The following CTNNAL1 variants were observed in gnomAD, a reference collection of about 807,000 sequenced individuals.
CTNNAL1 encodes catenin alpha like 1.
In CTNNAL1, 69 loss-of-function variants were observed where a neutral mutation model predicts 93.6. The ratio of observed to expected loss-of-function variants is 0.74; its 90% CI spans 0.61 to 0.90. The LOEUF is 0.90. CTNNAL1 is among the 40% of genes least tolerant of loss of function. The probability of loss-of-function intolerance (pLI) is 0.00; values close to 1 mark genes in which losing one functional copy is unlikely to be tolerated. For synonymous variants in CTNNAL1, 286 were observed against 305.4 expected, an observed-to-expected ratio of 0.94 and a Z score of 0.66; for missense variants, 836 against 862.0, an observed-to-expected ratio of 0.97 and a Z score of 0.38.
chr9:108,961,444 T>C (rs568659454), intron 11 of CTNNAL1, among the ~76,000 whole-genome samples: 21 of 152,288 alleles, frequency 1.4e-4, no homozygotes, highest in African/African-American at 5.1e-4. Context: ...TCCATCTCAG[T>C]GAAACCTACA....
intron 4 of CTNNAL1, among the ~76,000 whole-genome samples, chr9:108,989,617 T>TTA (rs1371117491): frequency 1.3e-5 from 2 of 152,152 alleles, no homozygotes; most frequent in Non-Finnish European, 2.9e-5. Context: ...TGGTCAATTA[T>TTA]TATATATATT....
rs190820564 is a variant in CTNNAL1, at chr9:108,993,459, C to T, written c.332-640G>A. 4.0e-4 allele frequency among the ~76,000 whole-genome samples: 61 copies of T among 152,312 alleles called. 1 individual carries two copies. The highest frequency in any genetic ancestry group is 1.4e-3 in the African/African-American group (58 of 41,566). On this transcript the variant is annotated intron_variant, in intron 2 of 18. Transcript: ENST00000325551. ...AAGTAAACAAAACAAAAGCCTCCCT[C>T]CTGAGAATTCAAACCACAGGCTGGC...
At position 108,965,556 on chromosome 9, in the gene CTNNAL1, G is replaced by A. The variant is rs749359420; in HGVS notation, c.1441-28C>T. Reference sequence around the variant, plus strand: ...AAAGAAACACAATATACACCTGTGTGAATTTCAAAATCTTAGCCCTCAGAA... The same window carrying A: ...AAAGAAACACAATATACACCTGTGTAAATTTCAAAATCTTAGCCCTCAGAA... On this transcript the variant is annotated intron_variant, in intron 10 of 18. Transcript: ENST00000325551. 4.3e-6 allele frequency: 6 copies of A among 1,393,512 alleles called. No individual in the cohort carries two copies. In the South Asian group the frequency reaches 9.6e-5, roughly 22 times the overall value. The allele number at this position is 1,393,512 out of a possible 1,614,324, so 86.3% of individuals were successfully genotyped here. A position where few individuals can be genotyped will look rare whatever the true frequency, so the allele number is the denominator to read the frequency against.
chr9:108,978,865 G>A (rs1160138493), intron 7 of CTNNAL1, among the ~76,000 whole-genome samples: 1 of 152,184 alleles, frequency 6.6e-6, no homozygotes, highest in Non-Finnish European at 1.5e-5. Context: ...GTCCTCAGAG[G>A]TAAGAATTGT....
chr9:108,972,864 G>GGCCCCCC, intron 8 of CTNNAL1, 31 bp from the exon 9 acceptor site: 41 of 142,484 alleles, frequency 2.9e-4, no homozygotes, highest in Non-Finnish European at 3.9e-4. Flanking sequence ...GGGGGGGTGG[G>GGCCCCCC]AGGGTGGAGA....
intron 14 of CTNNAL1, among the ~76,000 whole-genome samples, chr9:108,951,099 C>T (rs188749157): frequency 2.6e-5 from 4 of 152,088 alleles, no homozygotes; most frequent in Non-Finnish European, 5.9e-5. Flanking sequence ...CAAGCTCCAC[C>T]TCCCGGTTTC....
At chr9:108,977,237 G>A (rs1831292627) in intron 7 of CTNNAL1, 189 bp from the exon 8 acceptor site, 3 of 352,602 alleles carry the variant, frequency 8.5e-6, no homozygotes, top group Non-Finnish European at 1.5e-5. Flanking sequence ...ATTTTTCAAT[G>A]CTAACTACAA....
At chr9:109,012,068 C>G (rs1827220082) in intron 1 of CTNNAL1, among the ~76,000 whole-genome samples, 1 of 152,172 alleles carries the variant, frequency 6.6e-6, no homozygotes, top group South Asian at 2.1e-4. Flanking sequence ...CTCAATGAGA[C>G]ACAGGAAAAG....
At position 108,983,202 on chromosome 9, in the gene CTNNAL1, C is replaced by G; in HGVS notation, c.843G>C (p.Pro281=). The G allele has an allele frequency of 6.3e-7, 1 of 1,580,878 alleles. No individual in the cohort carries two copies. Among genetic ancestry groups the G allele is most frequent in the Non-Finnish European group, 8.6e-7 (1 of 1,163,220 alleles). ...KVIEIVTDCK[P]NGETDISSIS... Reference sequence around the variant, plus strand: ...TAGATGAAATGTCAGTCTCTCCATTCGGTTTACAGTCAGTCACAATTTCAA... The same window carrying G: ...TAGATGAAATGTCAGTCTCTCCATTGGGTTTACAGTCAGTCACAATTTCAA... Residue 281 remains proline (P), a synonymous_variant, in exon 6 of 19, where the codon CCG becomes CCC. Coordinates refer to ENST00000325551, the MANE Select transcript of CTNNAL1 (RefSeq NM_003798.4).
rs1041719667 is a variant in CTNNAL1 at position 108,954,861 on chromosome 9, C to G, written c.1629+929G>C. Among the ~76,000 whole-genome samples, 4 of 152,174 alleles carry G rather than the reference C, an allele frequency of 2.6e-5. No individual in the cohort carries two copies. In the South Asian group the frequency reaches 8.3e-4, roughly 31 times the overall value. ...ATTCCCACTATCATTTCTAAAATTCCAGACTTAAGACTTTAATATCTCTCT... is the reference window on the plus strand; with the variant it reads ...ATTCCCACTATCATTTCTAAAATTCGAGACTTAAGACTTTAATATCTCTCT... On this transcript the variant is annotated intron_variant, in intron 12 of 18. Coordinates refer to ENST00000325551, the MANE Select transcript of CTNNAL1 (RefSeq NM_003798.4).
At chr9:108,983,789 T>C (rs3818741) in intron 5 of CTNNAL1, among the ~76,000 whole-genome samples, 10,920 of 152,270 alleles carry the variant, frequency 0.072, 487 homozygotes, top group Admixed American at 0.13. Flanking sequence ...GATTCTAGCA[T>C]GGGGTAAATA....
At position 108,943,755 on chromosome 9, in the gene CTNNAL1, T is replaced by C; in HGVS notation, c.2003A>G (p.His668Arg). 11 of 1,613,912 alleles carry C rather than the reference T, an allele frequency of 6.8e-6. No homozygotes were observed. The highest frequency in any genetic ancestry group is 9.3e-6 in the Non-Finnish European group (11 of 1,179,894). ...LEINKLIPLC[H>R]QLQTVTKTSL... ...AGTCTTAGTTACTGTCTGGAGCTGGTGGCATAGAGGAATTAGCTTGTTTAT... is the reference window on the plus strand; with the variant it reads ...AGTCTTAGTTACTGTCTGGAGCTGGCGGCATAGAGGAATTAGCTTGTTTAT... The change falls in exon 17 of 19, where the codon CAC becomes CGC. Residue 668 changes from histidine (H) to arginine (R), a missense_variant. His to Arg is a conservative substitution (Grantham distance 29). Transcript: ENST00000325551.
chr9:108,990,970 AG>A, intron 3 of CTNNAL1, 125 bp from the exon 4 acceptor site: 1 of 1,094,594 alleles, frequency 9.1e-7, no homozygotes, highest in Non-Finnish European at 1.3e-6. Context: ...AGGAGGAGCC[AG>A]ATAGAAGACA....
chr9:109,007,419 G>C (rs1048092275), intron 1 of CTNNAL1, among the ~76,000 whole-genome samples: 1 of 152,100 alleles, frequency 6.6e-6, no homozygotes, highest in Admixed American at 6.6e-5. Flanking sequence ...AATTTAAGGG[G>C]TCTGTACAAA....
At chr9:108,971,992 C>T (rs1831127782) in intron 9 of CTNNAL1, among the ~76,000 whole-genome samples, 1 of 152,130 alleles carries the variant, frequency 6.6e-6, no homozygotes, top group African/African-American at 2.4e-5. Context: ...TTGTCTACAC[C>T]TATGTTTGGA....
chr9:108,942,659 T>C lies in CTNNAL1; in HGVS notation c.*110A>G, dbSNP rs553299916. ...CAGAAAATAGAGCAAAATTTCAATATTGTTTTCTTTATAAAATTGATGAAT... is the reference window on the plus strand; with the variant it reads ...CAGAAAATAGAGCAAAATTTCAATACTGTTTTCTTTATAAAATTGATGAAT... On this transcript the variant is annotated 3_prime_UTR_variant, in exon 19 of 19. Coordinates refer to ENST00000325551, the MANE Select transcript of CTNNAL1 (RefSeq NM_003798.4). 3.7e-5 allele frequency: 29 copies of C among 794,414 alleles called. No homozygotes were observed. Among genetic ancestry groups the C allele is most frequent in the Non-Finnish European group, 5.9e-5 (29 of 491,722 alleles). The allele number at this position is 794,414 out of a possible 1,614,324, so 49.2% of individuals were successfully genotyped here. A position where few individuals can be genotyped will look rare whatever the true frequency, so the allele number is the denominator to read the frequency against.
chr9:108,972,864 G>GGGGCCCCCCCCCC, intron 8 of CTNNAL1, 31 bp from the exon 9 acceptor site: 91 of 142,024 alleles, frequency 6.4e-4, no homozygotes, highest in Non-Finnish European at 7.9e-4. Context: ...GGGGGGGTGG[G>GGGGCCCCCCCCCC]AGGGTGGAGA....
chr9:108,983,592 G>C (rs986193135), intron 5 of CTNNAL1, among the ~76,000 whole-genome samples: 5 of 152,116 alleles, frequency 3.3e-5, no homozygotes, highest in African/African-American at 1.2e-4. Flanking sequence ...TTTTCATCAT[G>C]ATTAAAACTA....
intron 2 of CTNNAL1, among the ~76,000 whole-genome samples, chr9:108,994,846 G>T (rs1326665231): frequency 2.6e-5 from 4 of 152,182 alleles, no homozygotes; most frequent in African/African-American, 7.2e-5. Context: ...GAAGCCAGTT[G>T]CCATGTCATA....
Sources: allele counts gnomAD v4.1 joint callset (sites outside exome capture counted in the v4.1 genomes callset), GRCh38; gene constraint gnomAD v4.1.1; transcripts MANE v1.5; gene names NCBI Gene and HGNC (gene_info 2026-07-23, HGNC 2026-07-21).